Variants in TEAD1 observed in about 807,000 individuals in gnomAD.
The protein encoded by TEAD1 is transcriptional enhancer factor TEF-1.
A neutral mutation model predicts 54.9 loss-of-function variants in TEAD1; 9 were observed. The ratio of observed to expected loss-of-function variants is 0.16; its 90% CI spans 0.10 to 0.29. The LOEUF is 0.29. Among genes scored for constraint, TEAD1 ranks in the 10% least tolerant of loss-of-function variants. TEAD1 has a pLI of 1.00. For missense variants in TEAD1, 387 were observed against 535.9 expected, an observed-to-expected ratio of 0.72 and a Z score of 2.74; for synonymous variants, 200 against 187.8, an observed-to-expected ratio of 1.07 and a Z score of -0.53.
At chr11:12,749,059 CAGAT>C (rs1714646140) in intron 2 of TEAD1, among the ~76,000 whole-genome samples, 1 of 152,154 alleles carries the variant, frequency 6.6e-6, no homozygotes, top group African/African-American at 2.4e-5. Context: ...GGGACTTTTA[CAGAT>C]AGATCCTTAA....
intron 9 of TEAD1, among the ~76,000 whole-genome samples, chr11:12,895,661 A>G (rs745729329): frequency 2.0e-5 from 3 of 152,198 alleles, no homozygotes; most frequent in Non-Finnish European, 4.4e-5. Flanking sequence ...TTGGTGGTTT[A>G]TTTAATAAAA....
At chr11:12,751,771 G>A (rs1162234595) in intron 2 of TEAD1, among the ~76,000 whole-genome samples, 1 of 152,082 alleles carries the variant, frequency 6.6e-6, no homozygotes, top group African/African-American at 2.4e-5. Context: ...ATAGAAGGTG[G>A]GAGAAAGAAT....
chr11:12,845,828 T>C (rs908710883), intron 3 of TEAD1, among the ~76,000 whole-genome samples: 4 of 152,210 alleles, frequency 2.6e-5, no homozygotes, highest in Admixed American at 2.0e-4. Context: ...ATAGAATTGG[T>C]CGCCTCTCTG....
chr11:12,836,326 A>G (rs1225693523), intron 3 of TEAD1, among the ~76,000 whole-genome samples: 1 of 151,634 alleles, frequency 6.6e-6, no homozygotes, highest in Non-Finnish European at 1.5e-5. Context: ...AGGCTGAGGC[A>G]GGAGAATGGC....
chr11:12,690,649 C>T (rs145249143), intron 2 of TEAD1, among the ~76,000 whole-genome samples: 1 of 152,216 alleles, frequency 6.6e-6, no homozygotes, highest in East Asian at 1.9e-4. Context: ...CCAGGAGGCA[C>T]ACAATGTACA....
Position 12,904,529 on chromosome 11 carries a change from A to T in TEAD1, c.873+2416A>T, listed in dbSNP as rs539708492. 3.3e-5 allele frequency among the ~76,000 whole-genome samples: 5 copies of T among 152,278 alleles called. No homozygotes were observed. In the South Asian group the frequency reaches 1.0e-3, roughly 32 times the overall value. On this transcript the variant is annotated intron_variant, in intron 10 of 12. Transcript: ENST00000527636. The stretch of plus-strand genomic sequence containing the variant: ...CCATATTCCAGCCTACCATTAAGAA[A>T]CTACTACTGCTTGTTGACTTTTGAT...
At chr11:12,678,210 G>C (rs2133806547) in intron 2 of TEAD1, among the ~76,000 whole-genome samples, 1 of 152,342 alleles carries the variant, frequency 6.6e-6, no homozygotes, top group African/African-American at 2.4e-5. Context: ...AGAACTGCAA[G>C]AAAATGCAAG....
intron 2 of TEAD1, among the ~76,000 whole-genome samples, chr11:12,761,127 G>A (rs550759775): frequency 6.6e-6 from 1 of 152,296 alleles, no homozygotes; most frequent in African/African-American, 2.4e-5. Context: ...AAAACTGGCT[G>A]TACTTACTAA....
chr11:12,889,031 G>C (rs1232503677), intron 9 of TEAD1, among the ~76,000 whole-genome samples: 1 of 152,192 alleles, frequency 6.6e-6, no homozygotes, highest in East Asian at 1.9e-4. Flanking sequence ...GAGAACCAGC[G>C]AGTCAGTCCC....
At chr11:12,815,257 C>T (rs1946392901) in intron 3 of TEAD1, among the ~76,000 whole-genome samples, 1 of 152,022 alleles carries the variant, frequency 6.6e-6, no homozygotes, top group Non-Finnish European at 1.5e-5. Context: ...CTCCCATCCT[C>T]CCTTCCTTCC....
At chr11:12,847,302 A>G (rs970040419) in intron 3 of TEAD1, among the ~76,000 whole-genome samples, 2 of 152,172 alleles carry the variant, frequency 1.3e-5, no homozygotes, top group Admixed American at 1.3e-4. Context: ...GCCTTCACAA[A>G]GCTCACAATC....
intron 3 of TEAD1, among the ~76,000 whole-genome samples, chr11:12,767,451 A>G (rs529110723): frequency 2.0e-5 from 3 of 152,230 alleles, no homozygotes; most frequent in African/African-American, 7.2e-5. Context: ...GGTTATTCCA[A>G]TATTTCAGAG....
At chr11:12,725,906 C>T (rs956822736) in intron 2 of TEAD1, among the ~76,000 whole-genome samples, 2 of 152,146 alleles carry the variant, frequency 1.3e-5, no homozygotes, top group African/African-American at 4.8e-5. Context: ...CAGAAGGAAC[C>T]ATGGAGATTT....
intron 2 of TEAD1, among the ~76,000 whole-genome samples, chr11:12,749,840 C>T (rs1389389302): frequency 6.6e-6 from 1 of 152,150 alleles, no homozygotes; most frequent in Non-Finnish European, 1.5e-5. Flanking sequence ...AGCCTGTCTT[C>T]AGCTAAGGTG....
intron 9 of TEAD1, among the ~76,000 whole-genome samples, chr11:12,887,131 C>G (rs1331109671): frequency 7.6e-6 from 1 of 132,308 alleles, no homozygotes; most frequent in Non-Finnish European, 1.5e-5. Context: ...GAGTCTTGCT[C>G]TGTCACTCAG....
chr11:12,879,990 A>T, intron 6 of TEAD1, 148 bp downstream of exon 6: 1 of 1,213,660 alleles, frequency 8.2e-7, no homozygotes, highest in Non-Finnish European at 1.2e-6. Flanking sequence ...ACTGAGTCTA[A>T]AGTGGTGAAA....
intron 2 of TEAD1, among the ~76,000 whole-genome samples, chr11:12,735,077 C>G (rs1021917630): frequency 6.6e-6 from 1 of 152,232 alleles, no homozygotes; most frequent in African/African-American, 2.4e-5. Flanking sequence ...AAATGTGACT[C>G]TGCCTAATTG....
Position 12,884,999 on chromosome 11 carries a change from G to A in TEAD1, c.699+1874G>A, listed in dbSNP as rs182154695. On this transcript the variant is annotated intron_variant, in intron 9 of 12. Transcript: ENST00000527636. ...TCCATGACACTTTGTTGTTTACAGA[G>A]TACTTTGTGGTTGAGTATTTCATTC... is the stretch of plus-strand genomic sequence containing the variant. 1.7e-3 allele frequency among the ~76,000 whole-genome samples: 263 copies of A among 152,352 alleles called. 3 individuals carry two copies. The highest frequency in any genetic ancestry group is 0.015 in the Admixed American group (223 of 15,306).
chr11:12,707,114 CTTTTTTTTTTT>C (rs11366620), intron 2 of TEAD1, among the ~76,000 whole-genome samples: 1 of 76,282 alleles, frequency 1.3e-5, no homozygotes, highest in African/African-American at 5.2e-5. Context: ...ACTTGTGGGA[CTTTTTTTTTTT>C]TTTTTTTTTT....
Sources: gnomAD v4.1 joint callset for allele counts (sites outside exome capture counted in the v4.1 genomes callset) on GRCh38, gnomAD v4.1.1 for gene constraint, MANE v1.5 for transcripts, NCBI Gene and HGNC (gene_info 2026-07-23, HGNC 2026-07-21) for gene names.